Variants in UBE2D4 observed in about 807,000 individuals in gnomAD.
The protein encoded by UBE2D4 is ubiquitin-conjugating enzyme E2 D4.
Under a neutral mutation model 23.0 loss-of-function variants are expected in UBE2D4, and 17 were observed. The ratio of observed to expected loss-of-function variants is 0.74; its 90% confidence interval spans 0.51 to 1.11. The LOEUF is 1.11. Among genes scored for constraint, UBE2D4 ranks in the 50% least tolerant of loss-of-function variants. The pLI, the probability that UBE2D4 is intolerant of heterozygous loss-of-function variation, is 0.00. For missense variants in UBE2D4, 139 were observed against 181.8 expected, an observed-to-expected ratio of 0.76 and a Z score of 1.35; for synonymous variants, 61 against 69.4, an observed-to-expected ratio of 0.88 and a Z score of 0.60.
chr7:43,945,637 T>C (rs1220288962), intron 4 of UBE2D4, among the ~76,000 whole-genome samples: 1 of 149,588 alleles, frequency 6.7e-6, no homozygotes, highest in Non-Finnish European at 1.5e-5. Context: ...TATTCGAAAG[T>C]AAGTTTAAAA....
chr7:43,936,715 T>C (rs542816109), intron 1 of UBE2D4, among the ~76,000 whole-genome samples: 1 of 152,344 alleles, frequency 6.6e-6, no homozygotes, highest in South Asian at 2.1e-4. Context: ...ATTATCTTGA[T>C]ATTTACTGGG....
chr7:43,948,579 A>G (rs2095993854), intron 4 of UBE2D4, 53 bp from the exon 5 acceptor site: 2 of 1,244,884 alleles, frequency 1.6e-6, no homozygotes, highest in East Asian at 4.7e-5. Flanking sequence ...TACTTGGTTC[A>G]TTTCCCACAC....
intron 4 of UBE2D4, among the ~76,000 whole-genome samples, chr7:43,947,891 G>A (rs2095991932): frequency 6.6e-6 from 1 of 152,298 alleles, no homozygotes; most frequent in Middle Eastern, 3.4e-3. Context: ...CATTCTAACT[G>A]CTGTGAGATA....
Position 43,953,157 on chromosome 7 carries a change from A to C in UBE2D4, c.*462A>C. The C allele has an allele frequency of 2.2e-6, 1 of 456,776 alleles. No homozygotes were observed. The highest frequency in any genetic ancestry group is 1.5e-5 in the South Asian group (1 of 64,570). The allele number at this position is 456,776 out of a possible 1,614,324, so 28.3% of individuals were successfully genotyped here. A position where few individuals can be genotyped will look rare whatever the true frequency, so the allele number is the denominator to read the frequency against. ...GCAGAGCAGGCTTTGTTCGCACCTC[A>C]TCTGCTGCAGAACCACATCCTGAGG... On this transcript the variant is annotated 3_prime_UTR_variant, in exon 7 of 7. Transcript: ENST00000222402.
rs1172698661 is a variant in UBE2D4, at chr7:43,954,993, G to GA, written c.*2301dup. The GA allele has an allele frequency of 2.0e-5, 3 of 152,210 alleles. No homozygotes were observed. Among genetic ancestry groups the GA allele is most frequent in the Non-Finnish European group, 4.4e-5 (3 of 68,038 alleles). 9.4% of individuals were successfully genotyped at this position (152,210 alleles called of 1,614,324 possible). The stretch of plus-strand genomic sequence containing the variant: ...CTCTCTGTTGGATATACATAATAGA[G>GA]AAAGTCAAATCAGCCCTTTGGGGTT... On this transcript the variant is annotated 3_prime_UTR_variant, in exon 7 of 7. Coordinates refer to ENST00000222402, the MANE Select transcript of UBE2D4 (RefSeq NM_015983.4).
At chr7:43,928,120 G>A (rs1187219006) in intron 1 of UBE2D4, 1 of 437,128 alleles carries the variant, frequency 2.3e-6, no homozygotes, top group East Asian at 7.1e-5. Flanking sequence ...TGGTAAGAGA[G>A]GGAGCAAGAG....
chr7:43,943,890 C>G (rs997626986), intron 4 of UBE2D4: 3 of 152,884 alleles, frequency 2.0e-5, no homozygotes, highest in African/African-American at 7.2e-5. Flanking sequence ...GTGAGCTACT[C>G]AGCACTGGGA....
intron 1 of UBE2D4, among the ~76,000 whole-genome samples, chr7:43,935,242 T>G (rs2095955938): frequency 6.6e-6 from 1 of 152,214 alleles, no homozygotes; most frequent in South Asian, 2.1e-4. Flanking sequence ...GTTAAGTGAC[T>G]TTCTCAGTTA....
chr7:43,938,213 A>G (rs1585865218), intron 1 of UBE2D4, among the ~76,000 whole-genome samples: 1 of 152,128 alleles, frequency 6.6e-6, no homozygotes, highest in Non-Finnish European at 1.5e-5. Flanking sequence ...TCACTTTACA[A>G]TTCAATTTCC....
intron 2 of UBE2D4, among the ~76,000 whole-genome samples, chr7:43,938,992 A>G (rs1413354685): frequency 6.6e-6 from 1 of 152,228 alleles, no homozygotes; most frequent in Non-Finnish European, 1.5e-5. Flanking sequence ...TTATACTCAA[A>G]GTAGAACCTG....
At position 43,938,440 on chromosome 7, in the gene UBE2D4, G is replaced by A. The variant is rs771321233; in HGVS notation, c.34G>A (p.Asp12Asn). The A allele has an allele frequency of 3.3e-5, 54 of 1,613,924 alleles. No individual in the cohort carries two copies. In the South Asian group the frequency reaches 4.8e-4, roughly 14 times the overall value. Residue 12 changes from aspartate to asparagine, a missense_variant, in exon 2 of 7, where the codon GAC becomes AAC. Physicochemically the swap from Asp to Asn is conservative, Grantham distance 23 (BLOSUM62 1). Transcript: ENST00000222402. ...CTCTCTCATGTTCTAGGAATTAACC[G>A]ACTTGCAGAGGGATCCTCCTGCCCA... The part of the protein sequence containing the change: ...ALKRIQKELT[D>N]LQRDPPAQCS...
chr7:43,950,733 C>T, intron 6 of UBE2D4, 41 bp downstream of exon 6: 1 of 1,497,218 alleles, frequency 6.7e-7, no homozygotes, highest in Non-Finnish European at 9.3e-7. Flanking sequence ...CATGGCTGCC[C>T]CAGGCAGCTC....
chr7:43,942,554 T>G, intron 2 of UBE2D4: 1 of 588,200 alleles, frequency 1.7e-6, no homozygotes, highest in East Asian at 2.8e-5. Flanking sequence ...GAGAGAAGAA[T>G]AGAAACTCTG....
At chr7:43,930,208 T>C (rs1407386020) in intron 1 of UBE2D4, among the ~76,000 whole-genome samples, 1 of 152,196 alleles carries the variant, frequency 6.6e-6, no homozygotes, top group African/African-American at 2.4e-5. Flanking sequence ...GTCTGGTTAC[T>C]CTTAGACCTG....
At chr7:43,936,636 A>G (rs1040868343) in intron 1 of UBE2D4, among the ~76,000 whole-genome samples, 4 of 152,310 alleles carry the variant, frequency 2.6e-5, no homozygotes, top group Admixed American at 2.6e-4. Flanking sequence ...GTATTCTTCT[A>G]GAAATATATA....
At chr7:43,937,812 T>C (rs2095961819) in intron 1 of UBE2D4, among the ~76,000 whole-genome samples, 1 of 152,052 alleles carries the variant, frequency 6.6e-6, no homozygotes, top group African/African-American at 2.4e-5. Context: ...GGGAATCTAG[T>C]CGTGGTATAA....
At chr7:43,952,434 G>T in intron 6 of UBE2D4, 1 of 518,524 alleles carries the variant, frequency 1.9e-6, no homozygotes, top group Non-Finnish European at 3.5e-6. Flanking sequence ...ACAGTTTGGG[G>T]TTTACACATG....
At position 43,949,587 on chromosome 7, in the gene UBE2D4, T is replaced by C. The variant is rs80345533; in HGVS notation, c.304+850T>C. Among the ~76,000 whole-genome samples the C allele has an allele frequency of 7.9e-3, 1,206 of 152,322 alleles. 16 individuals carry two copies. Among genetic ancestry groups the C allele is most frequent in the African/African-American group, 0.027 (1,143 of 41,568 alleles). Reference sequence around the variant, plus strand: ...TTGTAGCTTTATGTGTGGGGACCTGTGGTCAGAACTTTGATGGACTCACTG... The same window carrying C: ...TTGTAGCTTTATGTGTGGGGACCTGCGGTCAGAACTTTGATGGACTCACTG... On this transcript the variant is annotated intron_variant, in intron 5 of 6. Coordinates refer to ENST00000222402, the MANE Select transcript of UBE2D4 (RefSeq NM_015983.4).
At position 43,953,668 on chromosome 7, in the gene UBE2D4, C is replaced by CGGCTTTCTGCCTT; in HGVS notation, c.*983_*995dup. 2 of 155,652 alleles carry CGGCTTTCTGCCTT rather than the reference C, an allele frequency of 1.3e-5. No individual in the cohort carries two copies. The highest frequency in any genetic ancestry group is 3.9e-4 in the South Asian group (2 of 5,158). 9.6% of individuals were successfully genotyped at this position (155,652 alleles called of 1,614,324 possible). On this transcript the variant is annotated 3_prime_UTR_variant, in exon 7 of 7. Coordinates refer to ENST00000222402, the MANE Select transcript of UBE2D4 (RefSeq NM_015983.4). ...AAATTACAATAGCCTGTTAGGTGAT[C>CGGCTTTCTGCCTT]GGCTTTCTGCCTTGGCTTTCTGATG...
Sources: gnomAD v4.1 joint callset for allele counts (sites outside exome capture counted in the v4.1 genomes callset) on GRCh38, gnomAD v4.1.1 for gene constraint, MANE v1.5 for transcripts, NCBI Gene and HGNC (gene_info 2026-07-23, HGNC 2026-07-21) for gene names.